Variants in C8A observed in about 807,000 individuals in gnomAD.
The protein encoded by C8A is complement component C8 alpha chain.
Under a neutral mutation model 65.3 loss-of-function variants are expected in C8A, and 67 were observed. The observed-to-expected ratio is 1.03, with a 90% CI of 0.84 to 1.26. C8A has a LOEUF of 1.26. Ranked by LOEUF, C8A falls within the 50% of genes most tolerant of loss-of-function variation. C8A has a pLI of 0.00. For missense variants in C8A, 781 were observed against 723.9 expected (o/e 1.08, Z -0.90); for synonymous variants, 290 against 259.4 (o/e 1.12, Z -1.13).
At chr1:56,878,137 C>T (rs1456844898) in intron 4 of C8A, among the ~76,000 whole-genome samples, 1 of 152,064 alleles carries the variant, frequency 6.6e-6, no homozygotes, top group Non-Finnish European at 1.5e-5. Flanking sequence ...ATGTTCTTCC[C>T]TCGTACATAT....
chr1:56,874,186 A>G lies in C8A; in HGVS notation c.172-763A>G, dbSNP rs75068333. The stretch of plus-strand genomic sequence containing the variant: ...AAGAATCTGTCTCTTTGTAAAAGAA[A>G]ATCCCCAGAGAGAACTTGATTGGAT... On this transcript the variant is annotated intron_variant, in intron 2 of 10. Transcript: ENST00000361249. Among the ~76,000 whole-genome samples the G allele has an allele frequency of 8.0e-3, 1,215 of 152,248 alleles. 7 individuals are homozygous for G. The highest frequency in any genetic ancestry group is 0.024 in the Middle Eastern group (7 of 294).
At chr1:56,905,813 T>C (rs985086576) in intron 7 of C8A, among the ~76,000 whole-genome samples, 4 of 152,258 alleles carry the variant, frequency 2.6e-5, no homozygotes, top group African/African-American at 9.6e-5. Context: ...AAGGTTGAAC[T>C]CTGTAGCATG....
At chr1:56,891,747 G>A (rs1324644323) in intron 7 of C8A, among the ~76,000 whole-genome samples, 1 of 152,040 alleles carries the variant, frequency 6.6e-6, no homozygotes, top group Non-Finnish European at 1.5e-5. Context: ...CACACATTGA[G>A]GTGAGAAGGA....
Position 56,876,048 on chromosome 1 carries a change from T to C in C8A, c.317-14T>C, listed in dbSNP as rs950374428. 6.2e-7 allele frequency: 1 copy of C among 1,612,778 alleles called. No homozygotes were observed. Among genetic ancestry groups the C allele is most frequent in the Admixed American group, 1.7e-5 (1 of 59,932 alleles). Reference sequence around the variant, plus strand: ...AGGGGAACCCGAGGAGCAGCCACAGTCTCTTCTCTCCAGGTCGCTGCCTGA... The same window carrying C: ...AGGGGAACCCGAGGAGCAGCCACAGCCTCTTCTCTCCAGGTCGCTGCCTGA... On this transcript the variant is annotated splice_polypyrimidine_tract_variant and intron_variant, in intron 3 of 10. Coordinates refer to ENST00000361249, the MANE Select transcript of C8A (RefSeq NM_000562.3).
At chr1:56,868,947 T>A (rs1644117402) in intron 2 of C8A, among the ~76,000 whole-genome samples, 1 of 152,238 alleles carries the variant, frequency 6.6e-6, no homozygotes, top group Non-Finnish European at 1.5e-5. Context: ...ACATGAGTAA[T>A]GCACACAAAA....
At chr1:56,900,551 T>C (rs561235989) in intron 7 of C8A, among the ~76,000 whole-genome samples, 1 of 152,318 alleles carries the variant, frequency 6.6e-6, no homozygotes, top group South Asian at 2.1e-4. Flanking sequence ...TTTCCAATCT[T>C]AGCCTGTAAG....
intron 6 of C8A, 140 bp downstream of exon 6, chr1:56,883,821 C>A: frequency 2.7e-6 from 2 of 734,164 alleles, no homozygotes; most frequent in Non-Finnish European, 4.5e-6. Context: ...CAGTGGTAAT[C>A]AGGTTTGTTT....
chr1:56,884,457 A>C (rs985560323), intron 6 of C8A, among the ~76,000 whole-genome samples: 1 of 152,180 alleles, frequency 6.6e-6, no homozygotes, highest in African/African-American at 2.4e-5. Context: ...AAGACTATGG[A>C]TCAAGGTGGG....
chr1:56,899,376 C>A (rs1644409769), intron 7 of C8A, among the ~76,000 whole-genome samples: 2 of 152,136 alleles, frequency 1.3e-5, no homozygotes, highest in African/African-American at 4.8e-5. Context: ...GGCCTTGGTT[C>A]AATCCCAGTT....
rs116499187 is a variant in C8A, at chr1:56,898,766, C to G, written c.1097-7901C>G. 8.9e-3 allele frequency among the ~76,000 whole-genome samples: 1,347 copies of G among 152,202 alleles called. 50 individuals carry two copies. The South Asian group carries it at 0.12, about 13-fold the overall frequency. On this transcript the variant is annotated intron_variant, in intron 7 of 10. Coordinates refer to ENST00000361249, the MANE Select transcript of C8A (RefSeq NM_000562.3). The stretch of plus-strand genomic sequence containing the variant: ...GATTGAGCATGGCCCACAGCAGAGA[C>G]TCAGCGTCTTTCTAGCTGGGGTGGT...
chr1:56,860,342 T>A (rs973022283), intron 1 of C8A, among the ~76,000 whole-genome samples: 4 of 152,060 alleles, frequency 2.6e-5, no homozygotes, highest in Non-Finnish European at 5.9e-5. Context: ...AAATGTGCCT[T>A]AAGAAGATGT....
chr1:56,861,052 C>A (rs1432289184), intron 1 of C8A, among the ~76,000 whole-genome samples: 6 of 152,130 alleles, frequency 3.9e-5, no homozygotes, highest in Non-Finnish European at 7.4e-5. Flanking sequence ...CATGGTTGTG[C>A]AAGTTGTACA....
chr1:56,892,406 C>T (rs1393935133), intron 7 of C8A, among the ~76,000 whole-genome samples: 2 of 151,740 alleles, frequency 1.3e-5, no homozygotes, highest in African/African-American at 2.4e-5. Flanking sequence ...GGAAACAAGG[C>T]AAAAAAGTCA....
chr1:56,890,194 C>G (rs1486795727), intron 7 of C8A, among the ~76,000 whole-genome samples: 3 of 152,134 alleles, frequency 2.0e-5, no homozygotes, highest in African/African-American at 7.2e-5. Context: ...ATGCTGTTCT[C>G]TCGTCTCCCA....
chr1:56,857,706 A>AT (rs201354383), intron 1 of C8A, among the ~76,000 whole-genome samples: 1,673 of 150,610 alleles, frequency 0.011, 41 homozygotes, highest in African/African-American at 0.039. Flanking sequence ...CCTTGTTTCT[A>AT]TTTTTTTCTT....
intron 7 of C8A, among the ~76,000 whole-genome samples, chr1:56,889,797 T>C (rs150681436): frequency 1.3e-5 from 2 of 152,122 alleles, no homozygotes; most frequent in African/African-American, 2.4e-5. Context: ...TTTCTTCTAA[T>C]GTGCCCTTTA....
At chr1:56,890,111 A>G (rs1021975383) in intron 7 of C8A, among the ~76,000 whole-genome samples, 2 of 152,108 alleles carry the variant, frequency 1.3e-5, no homozygotes, top group Admixed American at 6.6e-5. Flanking sequence ...AAAGCTGCCA[A>G]TATATGTTGG....
At chr1:56,868,504 G>A (rs530377312) in intron 2 of C8A, among the ~76,000 whole-genome samples, 2 of 152,128 alleles carry the variant, frequency 1.3e-5, no homozygotes, top group East Asian at 1.9e-4. Flanking sequence ...CACAGTCCCA[G>A]CTACTCAGGA....
At chr1:56,895,962 A>G (rs1644384549) in intron 7 of C8A, among the ~76,000 whole-genome samples, 1 of 152,080 alleles carries the variant, frequency 6.6e-6, no homozygotes, top group Admixed American at 6.5e-5. Flanking sequence ...AAGAAAAGAA[A>G]CTTCTTTTAA....
Sources: gnomAD v4.1 joint callset for allele counts (sites outside exome capture counted in the v4.1 genomes callset) on GRCh38, gnomAD v4.1.1 for gene constraint, MANE v1.5 for transcripts, NCBI Gene and HGNC (gene_info 2026-07-23, HGNC 2026-07-21) for gene names.